Variants in TMBIM6 observed in about 807,000 individuals in gnomAD.
TMBIM6 encodes the protein transmembrane BAX inhibitor motif containing 6.
In TMBIM6, 13 loss-of-function variants were observed where a neutral mutation model predicts 31.4. The ratio of observed to expected loss-of-function variants is 0.41; its 90% CI spans 0.27 to 0.66. The LOEUF is 0.66. TMBIM6 is among the 30% of genes least tolerant of loss of function. The pLI, the probability that TMBIM6 is intolerant of heterozygous loss-of-function variation, is 0.28. For missense variants in TMBIM6, 275 were observed against 289.5 expected, an observed-to-expected ratio of 0.95 and a Z score of 0.36; for synonymous variants, 85 against 101.7, an observed-to-expected ratio of 0.84 and a Z score of 0.99.
chr12:49,754,133 T>C (rs371981663), intron 3 of TMBIM6, among the ~76,000 whole-genome samples: 1 of 152,140 alleles, frequency 6.6e-6, no homozygotes, highest in Admixed American at 6.5e-5. Flanking sequence ...TTCCTTTGTA[T>C]TTTTGTGCTT....
intron 4 of TMBIM6, among the ~76,000 whole-genome samples, chr12:49,756,723 C>T (rs1432226653): frequency 1.3e-5 from 2 of 149,644 alleles, no homozygotes; most frequent in African/African-American, 2.5e-5. Context: ...CCACACCCAG[C>T]GCTTTTTTTT....
chr12:49,742,469 G>A, intron 1 of TMBIM6: 1 of 710,004 alleles, frequency 1.4e-6, no homozygotes, highest in Non-Finnish European at 2.1e-6. Context: ...CGGGCTGCTT[G>A]GGGTCATCAG....
At chr12:49,751,525 A>G (rs1303950298) in intron 1 of TMBIM6, among the ~76,000 whole-genome samples, 2 of 152,144 alleles carry the variant, frequency 1.3e-5, no homozygotes, top group Non-Finnish European at 2.9e-5. Context: ...ATACCCCCCA[A>G]AAAATCCTCC....
rs572784294 is a variant in TMBIM6 at position 49,764,929 on chromosome 12, A to G, written c.*2033A>G. ...TGTAAAAAATAAAGAAAATTCCTTA[A>G]CCTTTCCTGGTGTTTGTGTTAAATT... On this transcript the variant is annotated 3_prime_UTR_variant, in exon 10 of 10. Coordinates refer to ENST00000267115, the MANE Select transcript of TMBIM6 (RefSeq NM_003217.3). 6.6e-6 allele frequency: 1 copy of G among 152,194 alleles called. No homozygotes were observed. Among genetic ancestry groups the G allele is most frequent in the South Asian group, 2.1e-4 (1 of 4,820 alleles). The allele number at this position is 152,194 out of a possible 1,614,324, so 9.4% of individuals were successfully genotyped here.
At chr12:49,746,211 T>A (rs1170583745) in intron 1 of TMBIM6, among the ~76,000 whole-genome samples, 3 of 151,408 alleles carry the variant, frequency 2.0e-5, no homozygotes, top group African/African-American at 7.3e-5. Context: ...GCCTCCCAAG[T>A]AGCTGGGATT....
chr12:49,756,726 T>TTTTTTTTG (rs1453681697), intron 4 of TMBIM6, among the ~76,000 whole-genome samples: 1 of 147,516 alleles, frequency 6.8e-6, no homozygotes, highest in Non-Finnish European at 1.5e-5. Flanking sequence ...CACCCAGCGC[T>TTTTTTTTG]TTTTTTTGTT....
At position 49,759,178 on chromosome 12, in the gene TMBIM6, G is replaced by T; in HGVS notation, c.514-43G>T. On this transcript the variant is annotated intron_variant, in intron 7 of 9. Coordinates refer to ENST00000267115, the MANE Select transcript of TMBIM6 (RefSeq NM_003217.3). The stretch of plus-strand genomic sequence containing the variant: ...AAGTATGGCTGGTTTTTTTTTCTCT[G>T]CAACTTCTGCTGTATAGTAACTTCA... The T allele has an allele frequency of 5.2e-6, 8 of 1,532,286 alleles. No individual in the cohort carries two copies. In the Admixed American group the frequency reaches 7.1e-5, roughly 14 times the overall value. 94.9% of individuals were successfully genotyped at this position (1,532,286 alleles called of 1,614,324 possible). A position where few individuals can be genotyped will look rare whatever the true frequency, so the allele number is the denominator to read the frequency against.
intron 1 of TMBIM6, chr12:49,743,606 C>G (rs1945339193): frequency 6.6e-6 from 1 of 152,090 alleles, no homozygotes; most frequent in Non-Finnish European, 1.5e-5. Flanking sequence ...AAGTTATTTT[C>G]CCTGATTATA....
chr12:49,755,628 C>T lies in TMBIM6; in HGVS notation c.166-7C>T, dbSNP rs137944125. On this transcript the variant is annotated splice_polypyrimidine_tract_variant and splice_region_variant and intron_variant, in intron 3 of 9. Coordinates refer to ENST00000267115, the MANE Select transcript of TMBIM6 (RefSeq NM_003217.3). Reference sequence around the variant, plus strand: ...GTTTAATGATTGATTGATTCTGACTCTAACAGGCTGGCCTGCTGTCTGCCT... The same window carrying T: ...GTTTAATGATTGATTGATTCTGACTTTAACAGGCTGGCCTGCTGTCTGCCT... The T allele has an allele frequency of 5.0e-4, 799 of 1,612,882 alleles. 6 individuals are homozygous for T. In the African/African-American group the frequency reaches 9.3e-3, roughly 19 times the overall value.
intron 4 of TMBIM6, 65 bp downstream of exon 4, chr12:49,755,820 C>A: frequency 2.0e-6 from 3 of 1,513,582 alleles, no homozygotes; most frequent in South Asian, 1.2e-5. Context: ...TTAATTAGTT[C>A]CCCCCCCTTT....
At chr12:49,760,422 T>C (rs1323890805) in intron 8 of TMBIM6, among the ~76,000 whole-genome samples, 1 of 152,068 alleles carries the variant, frequency 6.6e-6, no homozygotes, top group Non-Finnish European at 1.5e-5. Context: ...GGCTAATTTA[T>C]TTTTTGTAGA....
At chr12:49,761,643 T>C (rs1377530310) in intron 8 of TMBIM6, 61 bp from the exon 9 acceptor site, 6 of 1,537,396 alleles carry the variant, frequency 3.9e-6, no homozygotes, top group South Asian at 3.4e-5. Context: ...TTCTGCATCT[T>C]TGTGGGCTTG....
In TMBIM6 at chr12:49,747,933, T is replaced by C. The variant is rs1013857871; in HGVS notation, c.-30-4531T>C. 2.0e-5 allele frequency among the ~76,000 whole-genome samples: 3 copies of C among 152,196 alleles called. No individual in the cohort carries two copies. The East Asian group carries it at 5.8e-4, about 29-fold the overall frequency. On this transcript the variant is annotated intron_variant, in intron 1 of 9. Transcript: ENST00000267115. ...TTTTAAATTTTTTTTACACGTAGTC[T>C]CGCACTGTCACCCATGGTGGAGGGC...
Position 49,763,830 on chromosome 12 carries a change from C to T in TMBIM6, c.*934C>T, listed in dbSNP as rs555558279. 2 of 152,150 alleles carry T rather than the reference C, an allele frequency of 1.3e-5. No homozygotes were observed. The highest frequency in any genetic ancestry group is 1.3e-4 in the Admixed American group (2 of 15,276). 9.4% of individuals were successfully genotyped at this position (152,150 alleles called of 1,614,324 possible). On this transcript the variant is annotated 3_prime_UTR_variant, in exon 10 of 10. Coordinates refer to ENST00000267115, the MANE Select transcript of TMBIM6 (RefSeq NM_003217.3). ...CCTGTTTGGGGCAGTGGGGAGCAAA[C>T]CTAGATAAGGACCTGTTTGGGGCAG...
intron 1 of TMBIM6, chr12:49,742,145 C>T: frequency 3.1e-6 from 5 of 1,611,808 alleles, no homozygotes; most frequent in Non-Finnish European, 4.2e-6. Flanking sequence ...TGATGTCACA[C>T]TCCTCTGTGA....
chr12:49,752,843 A>C, intron 2 of TMBIM6, 130 bp from the exon 3 acceptor site: 4 of 891,134 alleles, frequency 4.5e-6, no homozygotes, highest in Non-Finnish European at 6.8e-6. Flanking sequence ...TGCTTTCCTA[A>C]AAGTATTTCA....
chr12:49,742,145 C>G, intron 1 of TMBIM6: 1 of 1,611,808 alleles, frequency 6.2e-7, no homozygotes, highest in South Asian at 1.1e-5. Flanking sequence ...TGATGTCACA[C>G]TCCTCTGTGA....
chr12:49,753,138 A>C, intron 3 of TMBIM6, 57 bp downstream of exon 3: 1 of 1,478,166 alleles, frequency 6.8e-7, no homozygotes, highest in Non-Finnish European at 9.4e-7. Context: ...GGAAAAAACC[A>C]GCTCAGCAAG....
Position 49,758,209 on chromosome 12 carries a change from G to A in TMBIM6, c.287-18G>A. Reference sequence around the variant, plus strand: ...AGAATTGATCGTAATACTGTGTTCTGGGTTTTCTGTTTTCTAGGAGTTGGC... The same window carrying A: ...AGAATTGATCGTAATACTGTGTTCTAGGTTTTCTGTTTTCTAGGAGTTGGC... On this transcript the variant is annotated intron_variant, in intron 4 of 9. Transcript: ENST00000267115. The A allele has an allele frequency of 6.2e-7, 1 of 1,614,126 alleles. No individual in the cohort carries two copies.
Sources: allele counts gnomAD v4.1 joint callset (sites outside exome capture counted in the v4.1 genomes callset), GRCh38; gene constraint gnomAD v4.1.1; transcripts MANE v1.5; gene names NCBI Gene and HGNC (gene_info 2026-07-23, HGNC 2026-07-21).